Variants in ASIC1 observed in about 807,000 individuals in gnomAD.
The protein encoded by ASIC1 is acid sensing ion channel subunit 1.
Under a neutral mutation model 63.4 loss-of-function variants are expected in ASIC1, and 21 were observed. The ratio of observed to expected loss-of-function variants is 0.33; its 90% CI spans 0.23 to 0.48. ASIC1 has a LOEUF of 0.48. Among genes scored for constraint, ASIC1 ranks in the 20% least tolerant of loss-of-function variants. ASIC1 has a pLI of 0.99. For synonymous variants in ASIC1, 258 were observed against 278.2 expected (o/e 0.93, Z 0.72); for missense variants, 478 against 695.5 (o/e 0.69, Z 3.52).
chr12:50,061,650 T>C (rs182039332), intron 3 of ASIC1, among the ~76,000 whole-genome samples: 15 of 152,218 alleles, frequency 9.9e-5, no homozygotes, highest in African/African-American at 2.9e-4. Context: ...TAGTGTTGGA[T>C]GAGGGAGAGA....
chr12:50,077,094 A>C, intron 3 of ASIC1, 119 bp from the exon 4 acceptor site: 1 of 1,499,860 alleles, frequency 6.7e-7, no homozygotes, highest in Non-Finnish European at 9.3e-7. Context: ...AATGGGCTGC[A>C]CGGGAGGAAC....
In ASIC1 at chr12:50,081,136, G is replaced by A; in HGVS notation, c.1332G>A (p.Gly444=). The A allele has an allele frequency of 6.2e-7, 1 of 1,611,990 alleles. No homozygotes were observed. Among genetic ancestry groups the A allele is most frequent in the East Asian group, 2.2e-5 (1 of 44,784 alleles). The change falls in exon 10 of 12, where the codon GGG becomes GGA. Residue 444 remains glycine, a synonymous_variant. Coordinates refer to ENST00000447966, the MANE Select transcript of ASIC1 (RefSeq NM_001095.4). ...DIGGQMGLFI[G]ASILTVLELF... ...GGGGCCAGATGGGGCTGTTCATCGG[G>A]GCCAGCATCCTCACGGTGCTGGAGC...
At chr12:50,077,967 C>G in intron 4 of ASIC1, 33 bp from the exon 5 acceptor site, 1 of 1,585,472 alleles carries the variant, frequency 6.3e-7, no homozygotes, top group Non-Finnish European at 8.6e-7. Context: ...GAGTCAGGAG[C>G]CCTCCCAACC....
At chr12:50,061,835 G>A (rs1032848743) in intron 3 of ASIC1, among the ~76,000 whole-genome samples, 5 of 152,208 alleles carry the variant, frequency 3.3e-5, no homozygotes, top group Non-Finnish European at 5.9e-5. Flanking sequence ...ATTGGTCCAT[G>A]CTGTCTGAGG....
intron 3 of ASIC1, among the ~76,000 whole-genome samples, chr12:50,063,284 C>G (rs1950517364): frequency 6.6e-6 from 1 of 152,220 alleles, no homozygotes; most frequent in African/African-American, 2.4e-5. Flanking sequence ...CATCCTCCAG[C>G]TGCACCTTAT....
In ASIC1 at chr12:50,078,368, C is replaced by T. The variant is rs1284004066; in HGVS notation, c.838-53C>T. ...CATCTTGTCAGAGGAGTCCATCAAG[C>T]TGATTTGGGGAGAAGTCCCCGCACT... On this transcript the variant is annotated intron_variant, in intron 5 of 11. Coordinates refer to ENST00000447966, the MANE Select transcript of ASIC1 (RefSeq NM_001095.4). The surrounding 1 kb of genome is among the most constrained non-coding windows in gnomAD (Gnocchi z 6.0). The T allele has an allele frequency of 4.4e-6, 7 of 1,603,184 alleles. No homozygotes were observed. The highest frequency in any genetic ancestry group is 6.0e-6 in the Non-Finnish European group (7 of 1,173,572).
chr12:50,073,556 T>C, intron 3 of ASIC1: 1 of 1,477,154 alleles, frequency 6.8e-7, no homozygotes. Context: ...CTCCTGCAAA[T>C]CCCTGGCACC....
At chr12:50,075,310 C>T (rs932862468) in intron 3 of ASIC1, among the ~76,000 whole-genome samples, 1 of 152,184 alleles carries the variant, frequency 6.6e-6, no homozygotes, top group East Asian at 1.9e-4. Flanking sequence ...ATGTGTCTAC[C>T]TCTGGGCCCG....
At chr12:50,066,091 G>A (rs1950542754) in intron 3 of ASIC1, among the ~76,000 whole-genome samples, 1 of 152,222 alleles carries the variant, frequency 6.6e-6, no homozygotes, top group Non-Finnish European at 1.5e-5. Context: ...AAGCTTCTGT[G>A]TAGGCAAACC....
At chr12:50,079,752 G>T (rs1784285097) in intron 7 of ASIC1, 150 bp from the exon 8 acceptor site, 6 of 994,286 alleles carry the variant, frequency 6.0e-6, no homozygotes, top group South Asian at 3.4e-5. Context: ...TAGGATGTTG[G>T]CAGAGTTTAG....
At chr12:50,068,529 C>G (rs2137823395) in intron 3 of ASIC1, among the ~76,000 whole-genome samples, 1 of 151,698 alleles carries the variant, frequency 6.6e-6, no homozygotes, top group East Asian at 1.9e-4. Context: ...ACTTCAATTA[C>G]CATCTACACA....
chr12:50,078,599 A>G lies in ASIC1; in HGVS notation c.994+22A>G. ...CCAGGTCAGGCCTGGGGCTCCGAGCATACTCCTGGGGTCCCTGGGCCTTTG... is the reference window on the plus strand; with the variant it reads ...CCAGGTCAGGCCTGGGGCTCCGAGCGTACTCCTGGGGTCCCTGGGCCTTTG... On this transcript the variant is annotated intron_variant, in intron 6 of 11. Transcript: ENST00000447966. This position sits in a 1 kb window ranked among gnomAD's most constrained non-coding sequence, Gnocchi z 6.0. The G allele has an allele frequency of 6.2e-7, 1 of 1,613,370 alleles. No homozygotes were observed. The highest frequency in any genetic ancestry group is 8.5e-7 in the Non-Finnish European group (1 of 1,179,672).
intron 7 of ASIC1, 135 bp from the exon 8 acceptor site, chr12:50,079,767 C>A: frequency 9.0e-7 from 1 of 1,111,610 alleles, no homozygotes; most frequent in South Asian, 1.6e-5. Context: ...GTTTAGCATC[C>A]AGGCAGGGTG....
At position 50,074,376 on chromosome 12, in the gene ASIC1, G is replaced by T; in HGVS notation, c.559-2837G>T. On this transcript the variant is annotated intron_variant, in intron 3 of 11. Coordinates refer to ENST00000447966, the MANE Select transcript of ASIC1 (RefSeq NM_001095.4). The surrounding 1 kb of genome is among the most constrained non-coding windows in gnomAD (Gnocchi z 4.2). ...ACTGTGCTGCCCCCTACCTCATCTG[G>T]CTGACACAGGCCAGAGCTCACCCAG... 4.3e-6 allele frequency: 6 copies of T among 1,385,368 alleles called. No individual in the cohort carries two copies. Among genetic ancestry groups the T allele is most frequent in the African/African-American group, 1.4e-5 (1 of 69,146 alleles). The allele number at this position is 1,385,368 out of a possible 1,614,324, so 85.8% of individuals were successfully genotyped here. A position where few individuals can be genotyped will look rare whatever the true frequency, so the allele number is the denominator to read the frequency against.
intron 9 of ASIC1, 64 bp from the exon 10 acceptor site, chr12:50,081,038 A>G: frequency 7.0e-7 from 1 of 1,432,996 alleles, no homozygotes; most frequent in South Asian, 1.2e-5. Context: ...CCCCAGTCCC[A>G]GTAAACCCTG....
intron 3 of ASIC1, chr12:50,073,674 T>A (rs1950621853): frequency 6.5e-7 from 1 of 1,536,318 alleles, no homozygotes; most frequent in Non-Finnish European, 8.7e-7. Flanking sequence ...CCCACCACCA[T>A]CAGCAGCAGC....
In ASIC1 at chr12:50,058,810, C is replaced by T. The variant is rs749977160; in HGVS notation, c.44C>T (p.Pro15Leu). The T allele has an allele frequency of 3.6e-5, 58 of 1,602,296 alleles. No individual in the cohort carries two copies. The highest frequency in any genetic ancestry group is 3.3e-4 in the Middle Eastern group (2 of 6,038). Residue 15 changes from proline to leucine, a missense_variant, in exon 2 of 12, where the codon CCG becomes CTG. Transcript: ENST00000447966. Reference sequence around the variant, plus strand: ...GAGGAGGAGGTGGGTGGCGTCCAGCCGGTGAGCATCCAGGCCTTCGCCAGC... The same window carrying T: ...GAGGAGGAGGTGGGTGGCGTCCAGCTGGTGAGCATCCAGGCCTTCGCCAGC... The part of the protein sequence containing the change: ...AEEEEVGGVQ[P>L]VSIQAFASSS...
At chr12:50,072,258 C>T (rs1220594548) in intron 3 of ASIC1, among the ~76,000 whole-genome samples, 4 of 152,172 alleles carry the variant, frequency 2.6e-5, no homozygotes, top group Admixed American at 6.5e-5. Context: ...CCACCTAGCC[C>T]CGGTCTAGCC....
At chr12:50,080,803 G>A (rs1950707731) in intron 9 of ASIC1, 2 of 1,343,942 alleles carry the variant, frequency 1.5e-6, no homozygotes, top group African/African-American at 2.9e-5. Context: ...CTGTGGGCAT[G>A]AGGGAGGGGT....
Sources: allele counts gnomAD v4.1 joint callset (sites outside exome capture counted in the v4.1 genomes callset), GRCh38; gene constraint gnomAD v4.1.1; non-coding constraint Gnocchi (gnomAD v3.1); transcripts MANE v1.5; gene names NCBI Gene and HGNC (gene_info 2026-07-23, HGNC 2026-07-21).